Variants in ARHGEF1 observed in about 807,000 individuals in gnomAD.
The protein encoded by ARHGEF1 is Rho guanine nucleotide exchange factor 1.
ARHGEF1 carries 40 observed loss-of-function variants against 119.7 expected under a neutral mutation model. The ratio of observed to expected loss-of-function variants is 0.33; its 90% CI spans 0.26 to 0.44. The LOEUF (loss-of-function observed/expected upper bound fraction) is 0.44. Ranked by LOEUF, ARHGEF1 falls within the 20% of genes least tolerant of loss-of-function variation. The probability of loss-of-function intolerance (pLI) is 1.00; values close to 1 mark genes in which losing one functional copy is unlikely to be tolerated. For missense variants in ARHGEF1, 976 were observed against 1,268.3 expected (o/e 0.77, Z 3.50); for synonymous variants, 494 against 521.0 (o/e 0.95, Z 0.71).
At chr19:41,925,681 G>A (rs11665965) in intron 1 of ARHGEF1, among the ~76,000 whole-genome samples, 104,069 of 151,852 alleles carry the variant, frequency 0.69, 36,074 homozygotes, top group East Asian at 0.82. Context: ...TGTCTGTGAT[G>A]AGTAACCCGA....
At position 41,907,019 on chromosome 19, in the gene ARHGEF1, G is replaced by GCTCTCCCTGTCTTGTCTCTGTGTCTGT. The variant is rs750091701; in HGVS notation, c.*18-73_*18-47dup. ...TCTCCCCACCTCCCCTTCTCTCTCT[G>GCTCTCCCTGTCTTGTCTCTGTGTCTGT]CTCTCCCTGTCTTGTCTCTGTGTCT... On this transcript the variant is annotated intron_variant, in intron 28 of 28. Coordinates refer to ENST00000354532, the MANE Select transcript of ARHGEF1 (RefSeq NM_004706.4). 183 of 1,287,242 alleles carry GCTCTCCCTGTCTTGTCTCTGTGTCTGT rather than the reference G, an allele frequency of 1.4e-4. No individual in the cohort carries two copies. The Middle Eastern group carries it at 2.6e-3, about 19-fold the overall frequency. The allele number at this position is 1,287,242 out of a possible 1,614,324, so 79.7% of individuals were successfully genotyped here.
downstream of ARHGEF1, among the ~76,000 whole-genome samples, chr19:41,911,752 G>A (rs371210028): frequency 1.1e-4 from 17 of 152,222 alleles, no homozygotes; most frequent in East Asian, 2.1e-3. Flanking sequence ...AGGACCCCAA[G>A]GTGACAAGAG....
chr19:41,909,203 C>T (rs766115105), downstream of ARHGEF1: 1 of 1,230,752 alleles, frequency 8.1e-7, no homozygotes, highest in Non-Finnish European at 1.0e-6. The surrounding 1 kb of genome is among the most constrained non-coding windows in gnomAD (Gnocchi z 5.2). Context: ...GAGAAGCCGC[C>T]CTTCTCAGAC....
At chr19:41,891,793 C>A (rs112274748) in intron 4 of ARHGEF1, among the ~76,000 whole-genome samples, 1 of 152,078 alleles carries the variant, frequency 6.6e-6, no homozygotes, top group African/African-American at 2.4e-5. Context: ...CCACAAAGGA[C>A]CATAGCACAG....
chr19:41,905,772 CCT>C lies in ARHGEF1; in HGVS notation c.2351_2352del (p.Leu784ProfsTer5). 1 of 1,614,124 alleles carries C rather than the reference CCT, an allele frequency of 6.2e-7. No homozygotes were observed. ...TTCCTCCCCTCAGCACCCGAGAACCCCTCCTCAGCAGCTCTGAGAACGGCAAT... is the reference window on the plus strand; with the variant it reads ...TTCCTCCCCTCAGCACCCGAGAACCCCCTCAGCAGCTCTGAGAACGGCAAT... ...RPSPSSTREP[L>X]LSSSENGNGG... On this transcript the variant is annotated frameshift_variant, in exon 25 of 29. Transcript: ENST00000354532. LOFTEE classifies it high-confidence loss of function. This position sits in a 1 kb window ranked among gnomAD's most constrained non-coding sequence, Gnocchi z 6.4.
chr19:41,897,247 G>T (rs1555848006), intron 13 of ARHGEF1: 1 of 1,279,040 alleles, frequency 7.8e-7, no homozygotes, highest in South Asian at 1.2e-5. Flanking sequence ...GGACCCTTTG[G>T]TGGGTGCGGG....
In ARHGEF1 at chr19:41,901,937, G is replaced by C; in HGVS notation, c.1318G>C (p.Asp440His). The change falls in exon 15 of 29, where the codon GAC (aspartate) becomes CAC (histidine). Residue 440 changes from aspartate (D) to histidine (H), a missense_variant. This residue lies in a region of ARHGEF1 where 286 missense variants were observed against 506.8 expected (regional missense o/e 0.56). Transcript: ENST00000354532. ...CGTGCGCATGCTGCGGGTGCTGCACGACCTCTTCTTCCAGCCCATGGCAGA... is the reference window on the plus strand; with the variant it reads ...CGTGCGCATGCTGCGGGTGCTGCACCACCTCTTCTTCCAGCCCATGGCAGA... ...AHVRMLRVLH[D>H]LFFQPMAECL... The C allele has an allele frequency of 6.2e-7, 1 of 1,613,636 alleles. No homozygotes were observed. The highest frequency in any genetic ancestry group is 8.5e-7 in the Non-Finnish European group (1 of 1,180,026).
intron 4 of ARHGEF1, 66 bp from the exon 5 acceptor site, chr19:41,891,959 T>C (rs1255677173): frequency 7.1e-7 from 1 of 1,401,352 alleles, no homozygotes; most frequent in Non-Finnish European, 9.8e-7. Flanking sequence ...AAGGCCCTTT[T>C]CAAAGGGAGA....
In ARHGEF1 at chr19:41,906,549, C is replaced by G; in HGVS notation, c.2584C>G (p.Leu862Val). The part of the protein sequence containing the change: ...DGDGVPGGGP[L>V]SPARTQEIQE... ...GGATGGGGTCCCAGGGGGCGGCCCC[C>G]TGAGCCCAGCACGGACCCAGGAAAT... Residue 862 changes from leucine to valine, a missense_variant, in exon 27 of 29, where the codon CTG becomes GTG. Coordinates refer to ENST00000354532, the MANE Select transcript of ARHGEF1 (RefSeq NM_004706.4). This position sits in a 1 kb window ranked among gnomAD's most constrained non-coding sequence, Gnocchi z 4.5. The G allele has an allele frequency of 1.3e-6, 2 of 1,588,746 alleles. No homozygotes were observed. Among genetic ancestry groups the G allele is most frequent in the African/African-American group, 1.4e-5 (1 of 73,054 alleles).
At chr19:41,887,130 G>A (rs1181433167) in intron 1 of ARHGEF1, among the ~76,000 whole-genome samples, 2 of 152,196 alleles carry the variant, frequency 1.3e-5, no homozygotes, top group African/African-American at 2.4e-5. Flanking sequence ...CAGAGGCACA[G>A]AGACAGGGAC....
chr19:41,886,634 C>T (rs2074298036), intron 1 of ARHGEF1, among the ~76,000 whole-genome samples: 1 of 152,106 alleles, frequency 6.6e-6, no homozygotes, highest in Admixed American at 6.6e-5. Flanking sequence ...CTTGAATTGC[C>T]CAAGCTTAGA....
chr19:41,889,014 A>T lies in ARHGEF1; in HGVS notation c.225+149A>T. On this transcript the variant is annotated intron_variant, in intron 4 of 28. Coordinates refer to ENST00000354532, the MANE Select transcript of ARHGEF1 (RefSeq NM_004706.4). This position sits in a 1 kb window ranked among gnomAD's most constrained non-coding sequence, Gnocchi z 4.0. Reference sequence around the variant, plus strand: ...CAGATCTAGAAAGAGAGAATGCTTTAGACAAGAGCCAGAAAGCATGCCACG... The same window carrying T: ...CAGATCTAGAAAGAGAGAATGCTTTTGACAAGAGCCAGAAAGCATGCCACG... 1.5e-6 allele frequency: 1 copy of T among 685,618 alleles called. No individual in the cohort carries two copies. The highest frequency in any genetic ancestry group is 2.4e-6 in the Non-Finnish European group (1 of 414,636). The allele number at this position is 685,618 out of a possible 1,614,324, so 42.5% of individuals were successfully genotyped here.
At chr19:41,919,341 C>A (rs1169840175), upstream of ARHGEF1, among the ~76,000 whole-genome samples, 1 of 152,186 alleles carries the variant, frequency 6.6e-6, no homozygotes, top group Non-Finnish European at 1.5e-5. Flanking sequence ...CGCCATCCAA[C>A]AGCCACACAT....
At position 41,902,710 on chromosome 19, in the gene ARHGEF1, C is replaced by A. The variant is rs782109778; in HGVS notation, c.1623+52C>A. 2 of 1,613,158 alleles carry A rather than the reference C, an allele frequency of 1.2e-6. No homozygotes were observed. The highest frequency in any genetic ancestry group is 8.5e-7 in the Non-Finnish European group (1 of 1,179,552). On this transcript the variant is annotated intron_variant, in intron 17 of 28. Coordinates refer to ENST00000354532, the MANE Select transcript of ARHGEF1 (RefSeq NM_004706.4). The surrounding 1 kb of genome is among the most constrained non-coding windows in gnomAD (Gnocchi z 6.5). ...CCCAGGGAGGAGGGGCCTGGAGACC[C>A]AGACTCCTAGGTGCCTGCGCCCTGG...
At chr19:41,926,471 C>G (rs1400354223) in intron 1 of ARHGEF1, among the ~76,000 whole-genome samples, 2 of 152,062 alleles carry the variant, frequency 1.3e-5, no homozygotes, top group Admixed American at 6.5e-5. Flanking sequence ...TACCTGAGGC[C>G]ACAGGTGGGT....
chr19:41,898,525 TC>T lies in ARHGEF1; in HGVS notation c.1211del (p.Pro404GlnfsTer12). 1 of 1,563,162 alleles carries T rather than the reference TC, an allele frequency of 6.4e-7. No individual in the cohort carries two copies. The highest frequency in any genetic ancestry group is 8.7e-7 in the Non-Finnish European group (1 of 1,154,330). On this transcript the variant is annotated frameshift_variant, in exon 14 of 29. Transcript: ENST00000354532. LOFTEE classifies it high-confidence loss of function. Reference sequence around the variant, plus strand: ...GAGCCTCCCGGCTGGCGGGAACTCGTCCCCCCAGACACCCTGCACAGCCTGC... The same window carrying T: ...GAGCCTCCCGGCTGGCGGGAACTCGTCCCCCAGACACCCTGCACAGCCTGC... ...PEEPPGWREL[V>X]PPDTLHSLPK... is the part of the protein sequence containing the mutation.
chr19:41,900,352 A>T (rs1555848789), intron 14 of ARHGEF1, among the ~76,000 whole-genome samples: 2 of 152,178 alleles, frequency 1.3e-5, no homozygotes, highest in African/African-American at 4.8e-5. Context: ...AAAAAAAAGC[A>T]CTAAATACAA....
chr19:41,929,113 AAC>A (rs1468899514), intron 2 of ARHGEF1: 2 of 300,764 alleles, frequency 6.6e-6, no homozygotes, highest in African/African-American at 4.4e-5. Flanking sequence ...AGGAAGTGGA[AAC>A]ACAACCGGTA....
chr19:41,914,326 C>T (rs889009976), intron 18 of ARHGEF1, among the ~76,000 whole-genome samples: 1 of 151,356 alleles, frequency 6.6e-6, no homozygotes, highest in Admixed American at 6.6e-5. Context: ...CGTCTCCCCC[C>T]ACCATCTCCC....
Sources: allele counts gnomAD v4.1 joint callset (sites outside exome capture counted in the v4.1 genomes callset), GRCh38; gene constraint gnomAD v4.1.1; regional missense constraint gnomAD v4.1.1; non-coding constraint Gnocchi (gnomAD v3.1); transcripts MANE v1.5; gene names NCBI Gene and HGNC (gene_info 2026-07-23, HGNC 2026-07-21).